CRYBG1: variants seen among roughly 807,000 people sequenced by gnomAD.
CRYBG1 encodes beta/gamma crystallin domain-containing protein 1.
Under a neutral mutation model 189.2 loss-of-function variants are expected in CRYBG1, and 139 were observed. The ratio of observed to expected loss-of-function variants is 0.73; its 90% CI spans 0.64 to 0.85. The LOEUF (loss-of-function observed/expected upper bound fraction) is 0.85. Ranked by LOEUF, CRYBG1 falls within the 40% of genes least tolerant of loss-of-function variation. The pLI, the probability that CRYBG1 is intolerant of heterozygous loss-of-function variation, is 0.00. For synonymous variants in CRYBG1, 1,023 were observed against 1,017.1 expected, an observed-to-expected ratio of 1.01 and a Z score of -0.11; for missense variants, 2,611 against 2,675.8, an observed-to-expected ratio of 0.98 and a Z score of 0.53.
At chr6:106,460,135 C>T (rs930472359) in intron 2 of CRYBG1, among the ~76,000 whole-genome samples, 2 of 138,022 alleles carry the variant, frequency 1.4e-5, no homozygotes, top group African/African-American at 2.8e-5. Flanking sequence ...TACAGGCGCC[C>T]GCCACCACGC....
At chr6:106,549,664 AG>A (rs1416741853) in intron 13 of CRYBG1, among the ~76,000 whole-genome samples, 2 of 151,366 alleles carry the variant, frequency 1.3e-5, no homozygotes, top group Admixed American at 1.3e-4. Flanking sequence ...GGGGGGTGGT[AG>A]GGGGCTGTAT....
At chr6:106,448,803 G>C (rs962153358) in intron 1 of CRYBG1, among the ~76,000 whole-genome samples, 1 of 152,136 alleles carries the variant, frequency 6.6e-6, no homozygotes, top group African/African-American at 2.4e-5. Flanking sequence ...GTGTCCTTCA[G>C]GTCTCAGCCT....
intron 2 of CRYBG1, among the ~76,000 whole-genome samples, chr6:106,499,104 A>AT (rs1275164377): frequency 2.0e-3 from 253 of 126,818 alleles, no homozygotes; most frequent in Middle Eastern, 4.1e-3. Context: ...TTTTTTTTGC[A>AT]TTTTTTTTTG....
chr6:106,394,828 T>A (rs1000771367), intron 1 of CRYBG1, among the ~76,000 whole-genome samples: 43 of 151,440 alleles, frequency 2.8e-4, no homozygotes, highest in African/African-American at 9.2e-4. Context: ...AGAGAGGTTT[T>A]AACAATAGTG....
At chr6:106,431,543 A>G (rs1222257577) in intron 1 of CRYBG1, among the ~76,000 whole-genome samples, 2 of 152,230 alleles carry the variant, frequency 1.3e-5, no homozygotes, top group East Asian at 3.8e-4. Flanking sequence ...TAGATGGGCA[A>G]ATAACTTGCT....
intron 1 of CRYBG1, among the ~76,000 whole-genome samples, chr6:106,392,466 C>A (rs1286494595): frequency 6.6e-6 from 1 of 152,030 alleles, no homozygotes; most frequent in Non-Finnish European, 1.5e-5. Context: ...AGAGGTAGGA[C>A]TTAGGGAGGC....
intron 1 of CRYBG1, among the ~76,000 whole-genome samples, chr6:106,363,743 G>T (rs1363325082): frequency 1.3e-5 from 2 of 152,170 alleles, no homozygotes; most frequent in Non-Finnish European, 2.9e-5. Flanking sequence ...TTGTGACCTT[G>T]GGCAAGTTAT....
intron 2 of CRYBG1, among the ~76,000 whole-genome samples, chr6:106,470,675 T>A (rs1415627067): frequency 1.3e-5 from 2 of 152,190 alleles, no homozygotes; most frequent in East Asian, 3.8e-4. Context: ...GTAAGGCAGA[T>A]CTACTTAGAC....
At chr6:106,499,845 G>T (rs533017583) in intron 2 of CRYBG1, among the ~76,000 whole-genome samples, 2 of 152,158 alleles carry the variant, frequency 1.3e-5, no homozygotes, top group East Asian at 3.9e-4. Context: ...ACAGCCTCTG[G>T]TAACCACTAT....
chr6:106,422,002 C>A (rs1452300172), intron 1 of CRYBG1, among the ~76,000 whole-genome samples: 1 of 152,198 alleles, frequency 6.6e-6, no homozygotes, highest in Non-Finnish European at 1.5e-5. Context: ...ATTCAGTCAT[C>A]TCCCACCAGG....
chr6:106,470,168 A>G (rs999075608), intron 2 of CRYBG1, among the ~76,000 whole-genome samples: 5 of 152,200 alleles, frequency 3.3e-5, no homozygotes, highest in Non-Finnish European at 7.3e-5. Context: ...AATTTAAAAT[A>G]ATTCTCAGAG....
At chr6:106,544,461 G>T (rs1042929660) in intron 11 of CRYBG1, 110 bp from the exon 12 acceptor site, 1 of 1,255,112 alleles carries the variant, frequency 8.0e-7, no homozygotes, top group Non-Finnish European at 1.1e-6. Context: ...AAAGCAGAAG[G>T]TCATGTCTAG....
intron 1 of CRYBG1, among the ~76,000 whole-genome samples, chr6:106,442,835 A>T (rs937605894): frequency 2.0e-5 from 3 of 152,188 alleles, no homozygotes; most frequent in Non-Finnish European, 4.4e-5. Context: ...AATATAACAA[A>T]ATTGCCTGGA....
chr6:106,435,878 TA>T (rs1222556111), intron 1 of CRYBG1, among the ~76,000 whole-genome samples: 1 of 152,162 alleles, frequency 6.6e-6, no homozygotes, highest in Non-Finnish European at 1.5e-5. Flanking sequence ...TTGCAAATTT[TA>T]AAAACAAATC....
chr6:106,430,436 A>T (rs530952586), intron 1 of CRYBG1, among the ~76,000 whole-genome samples: 1 of 152,108 alleles, frequency 6.6e-6, no homozygotes, highest in African/African-American at 2.4e-5. Flanking sequence ...GGATTTTAGC[A>T]CAAGGCTATG....
chr6:106,565,655 TGCAAGTA>T (rs1435818772), intron 21 of CRYBG1, among the ~76,000 whole-genome samples: 1 of 152,156 alleles, frequency 6.6e-6, no homozygotes, highest in Non-Finnish European at 1.5e-5. Flanking sequence ...TCATATAAAA[TGCAAGTA>T]GTACCCTTGG....
intron 1 of CRYBG1, among the ~76,000 whole-genome samples, chr6:106,371,486 C>T (rs1481608938): frequency 2.0e-5 from 3 of 152,190 alleles, no homozygotes. Flanking sequence ...ATTTAGCTCC[C>T]ATGAACTAAG....
intron 1 of CRYBG1, among the ~76,000 whole-genome samples, chr6:106,361,973 T>TTTCTTTCTTTCTTTCTTTCTTTC (rs1174995603): frequency 1.5e-4 from 3 of 19,972 alleles, no homozygotes; most frequent in African/African-American, 8.4e-4. Flanking sequence ...TTCTTTCTTT[T>TTTCTTTCTTTCTTTCTTTCTTTC]TTTTTTTTTT....
intron 2 of CRYBG1, among the ~76,000 whole-genome samples, chr6:106,484,875 C>T (rs1343259573): frequency 3.3e-5 from 5 of 152,020 alleles, no homozygotes; most frequent in Non-Finnish European, 5.9e-5. Flanking sequence ...CCTCTGGTTC[C>T]GGCCACTCAG....
Sources: gnomAD v4.1 joint callset for allele counts (sites outside exome capture counted in the v4.1 genomes callset) on GRCh38, gnomAD v4.1.1 for gene constraint, MANE v1.5 for transcripts, NCBI Gene and HGNC (gene_info 2026-07-23, HGNC 2026-07-21) for gene names.